The following NLRP11 variants were observed in gnomAD, a reference collection of about 807,000 sequenced individuals.
The protein encoded by NLRP11 is NLR family pyrin domain containing 11.
A neutral mutation model predicts 79.3 loss-of-function variants in NLRP11; 53 were observed. The observed-to-expected ratio is 0.67, with a 90% CI of 0.54 to 0.84. The LOEUF is 0.84. Among genes scored for constraint, NLRP11 ranks in the 40% least tolerant of loss-of-function variants. NLRP11 has a pLI of 0.00. For synonymous variants in NLRP11, 518 were observed against 462.6 expected (o/e 1.12, Z -1.54); for missense variants, 1,264 against 1,255.0 (o/e 1.01, Z -0.11).
chr19:55,799,621 T>C (rs1979277573), intron 5 of NLRP11, among the ~76,000 whole-genome samples: 1 of 152,036 alleles, frequency 6.6e-6, no homozygotes, highest in African/African-American at 2.4e-5. Context: ...GGGATTTAGC[T>C]GGGAGAATGT....
chr19:55,800,446 T>C (rs1979368226), intron 5 of NLRP11, among the ~76,000 whole-genome samples: 1 of 152,178 alleles, frequency 6.6e-6, no homozygotes, highest in African/African-American at 2.4e-5. Flanking sequence ...TAGCTGGGAT[T>C]ACAGGCACCT....
chr19:55,806,893 T>G (rs1980051900), intron 4 of NLRP11, among the ~76,000 whole-genome samples: 1 of 152,168 alleles, frequency 6.6e-6, no homozygotes, highest in Non-Finnish European at 1.5e-5. Flanking sequence ...ACAGTTTATC[T>G]GGCTCATTCT....
At chr19:55,793,556 CAAAAAAAAAAAA>C (rs59605427) in intron 6 of NLRP11, among the ~76,000 whole-genome samples, 11 of 35,668 alleles carry the variant, frequency 3.1e-4, no homozygotes, top group Admixed American at 1.8e-3. Flanking sequence ...TGACTGTCTC[CAAAAAAAAAAAA>C]AAAAAAAAAA....
intron 4 of NLRP11, among the ~76,000 whole-genome samples, chr19:55,804,325 G>A (rs1405850348): frequency 6.6e-6 from 1 of 152,166 alleles, no homozygotes; most frequent in Non-Finnish European, 1.5e-5. Flanking sequence ...AATGTTCAAT[G>A]CAGCACTATT....
intron 1 of NLRP11, among the ~76,000 whole-genome samples, chr19:55,821,032 G>C (rs1400769023): frequency 1.3e-5 from 2 of 152,112 alleles, no homozygotes; most frequent in Non-Finnish European, 1.5e-5. Context: ...ATGCCTTTAT[G>C]GCTTGTACAG....
intron 1 of NLRP11, 106 bp downstream of exon 1, chr19:55,831,855 CAT>C (rs1023230647): frequency 2.6e-5 from 4 of 151,798 alleles, no homozygotes; most frequent in East Asian, 3.9e-4. Flanking sequence ...ATTCCCCAAT[CAT>C]ATTATTTCCA....
At chr19:55,785,492 GTCAC>G (rs767675903) in exon 10 of NLRP11, 164,824 of 641,976 alleles carry the variant, frequency 0.26, 13,599 homozygotes, top group Non-Finnish European at 0.28. Context: ...CTGGATCAAG[GTCAC>G]ACACACACAC....
chr19:55,826,990 C>T (rs1982297443), intron 1 of NLRP11, among the ~76,000 whole-genome samples: 2 of 144,868 alleles, frequency 1.4e-5, no homozygotes, highest in East Asian at 2.1e-4. Context: ...AAGCTGGAGG[C>T]ATCACACTAC....
Position 55,808,017 on chromosome 19 carries a change from A to T in NLRP11, c.1842-3T>A. On this transcript the variant is annotated splice_polypyrimidine_tract_variant and splice_region_variant and intron_variant, in intron 3 of 9. Transcript: ENST00000589093. ...AGTAGACAAGGCTCTTCATTTGACTACATAGAAGAAAAATTGAGTTTTCCA... is the reference window on the plus strand; with the variant it reads ...AGTAGACAAGGCTCTTCATTTGACTTCATAGAAGAAAAATTGAGTTTTCCA... 6.4e-7 allele frequency: 1 copy of T among 1,571,692 alleles called. No homozygotes were observed. Among genetic ancestry groups the T allele is most frequent in the Non-Finnish European group, 8.6e-7 (1 of 1,161,250 alleles).
Position 55,794,714 on chromosome 19 carries a change from C to T in NLRP11, c.2342+1366G>A, listed in dbSNP as rs1437439834. Among the ~76,000 whole-genome samples the T allele has an allele frequency of 4.0e-5, 6 of 151,706 alleles. No homozygotes were observed. In the East Asian group the frequency reaches 7.7e-4, roughly 20 times the overall value. On this transcript the variant is annotated intron_variant, in intron 6 of 9. Coordinates refer to ENST00000589093, the Ensembl canonical transcript of NLRP11. ...GGCGGAGCTTGCAGTGAGCCGAGAT[C>T]GCGCCACCGCACTCCAGCCTGGGCA... is the stretch of plus-strand genomic sequence containing the variant.
chr19:55,819,253 G>A (rs1438390905), intron 1 of NLRP11, among the ~76,000 whole-genome samples: 1 of 151,424 alleles, frequency 6.6e-6, no homozygotes, highest in Non-Finnish European at 1.5e-5. Context: ...CTCCTGAGTA[G>A]GGACCCACAC....
exon 2 of NLRP11, chr19:55,818,227 A>T: frequency 1.4e-6 from 2 of 1,428,600 alleles, no homozygotes; most frequent in South Asian, 2.5e-5. Flanking sequence ...AGGCACAAGA[A>T]ATATGAGATC....
intron 1 of NLRP11, among the ~76,000 whole-genome samples, chr19:55,829,916 A>G (rs1237574209): frequency 6.6e-6 from 1 of 152,170 alleles, no homozygotes; most frequent in East Asian, 1.9e-4. Context: ...TCAACAGTCA[A>G]TTAACACATA....
chr19:55,788,829 C>G (rs562593953), exon 9 of NLRP11: 13 of 1,579,350 alleles, frequency 8.2e-6, no homozygotes, highest in African/African-American at 1.4e-5. Flanking sequence ...AGTACACAAT[C>G]TGGGCTGATC....
At chr19:55,785,984 C>CA (rs1409964247) in intron 9 of NLRP11, 113 bp from the exon 10 acceptor site, 1 of 1,152,406 alleles carries the variant, frequency 8.7e-7, no homozygotes, top group Admixed American at 2.4e-5. Context: ...GGGAGTATCT[C>CA]AAGCCATCTC....
exon 4 of NLRP11, chr19:55,807,943 A>C: frequency 6.2e-7 from 1 of 1,610,952 alleles, no homozygotes; most frequent in Non-Finnish European, 8.5e-7. Flanking sequence ...AAAGATATGC[A>C]GCTCCCGGAG....
At chr19:55,820,155 C>T (rs1379196148) in intron 1 of NLRP11, among the ~76,000 whole-genome samples, 1 of 152,148 alleles carries the variant, frequency 6.6e-6, no homozygotes. Flanking sequence ...AACTAGTAAG[C>T]AGTCACTCCC....
intron 2 of NLRP11, among the ~76,000 whole-genome samples, chr19:55,816,615 TAC>T (rs1351715974): frequency 2.0e-5 from 3 of 152,172 alleles, no homozygotes; most frequent in Non-Finnish European, 4.4e-5. Flanking sequence ...CCATGACGCT[TAC>T]ACAGAGTCCC....
rs917614347 is a variant in NLRP11, at chr19:55,794,629, G to A, written c.2342+1451C>T. 1.6e-4 allele frequency among the ~76,000 whole-genome samples: 25 copies of A among 152,038 alleles called. 1 individual carries two copies. The South Asian group carries it at 1.9e-3, about 11-fold the overall frequency. On this transcript the variant is annotated intron_variant, in intron 6 of 9. Coordinates refer to ENST00000589093, the Ensembl canonical transcript of NLRP11. ...CAAAAAATTAGCCAGGCGTGGTGGCGGGTGCCTGTGGTCCCAGCTACTCGG... is the reference window on the plus strand; with the variant it reads ...CAAAAAATTAGCCAGGCGTGGTGGCAGGTGCCTGTGGTCCCAGCTACTCGG...
Sources: gnomAD v4.1 joint callset for allele counts (sites outside exome capture counted in the v4.1 genomes callset) on GRCh38, gnomAD v4.1.1 for gene constraint, MANE v1.5 for transcripts, NCBI Gene and HGNC (gene_info 2026-07-23, HGNC 2026-07-21) for gene names.